SPTAN1: variants seen among roughly 807,000 people sequenced by gnomAD.
The protein encoded by SPTAN1 is spectrin alpha, non-erythrocytic 1, also known as spectrin alpha chain, non-erythrocytic 1.
In SPTAN1, 61 loss-of-function variants were observed where a neutral mutation model predicts 331.3. That is an observed-to-expected ratio of 0.18 (90% confidence interval 0.15 to 0.23). SPTAN1 has a LOEUF of 0.23. SPTAN1 is among the 10% of genes least tolerant of loss of function. SPTAN1 has a pLI of 1.00. For synonymous variants in SPTAN1, 1,153 were observed against 1,173.9 expected (o/e 0.98, Z 0.36); for missense variants, 2,043 against 3,147.9 (o/e 0.65, Z 8.40).
chr9:128,614,358 G>A (rs1394078391), intron 40 of SPTAN1, among the ~76,000 whole-genome samples: 1 of 152,094 alleles, frequency 6.6e-6, no homozygotes, highest in Non-Finnish European at 1.5e-5. Context: ...TTGGGAGGCC[G>A]AGGCGGGTGG....
intron 24 of SPTAN1, among the ~76,000 whole-genome samples, chr9:128,597,997 G>A (rs1205708027): frequency 6.6e-6 from 1 of 150,596 alleles, no homozygotes; most frequent in Non-Finnish European, 1.5e-5. Flanking sequence ...TGCACAGGCT[G>A]GAGTGCAATG....
rs60290370 is a variant in SPTAN1 at position 128,600,974 on chromosome 9, C to CTTTT, written c.3579+883_3579+886dup. On this transcript the variant is annotated intron_variant, in intron 27 of 56. Coordinates refer to ENST00000372739, the MANE Select transcript of SPTAN1 (RefSeq NM_001130438.3). The stretch of plus-strand genomic sequence containing the variant: ...CACAGCACACAGCCAGGGAGAAAGT[C>CTTTT]TTTTTTTTTTTTTTTTTTTTTTTTT... 2.0e-4 allele frequency among the ~76,000 whole-genome samples: 8 copies of CTTTT among 40,848 alleles called. 2 individuals are homozygous for CTTTT. The highest frequency in any genetic ancestry group is 5.3e-4 in the African/African-American group (6 of 11,314). 26.8% of individuals were successfully genotyped at this position (40,848 alleles called of 152,430 possible).
chr9:128,624,875 G>C (rs1165740529), intron 46 of SPTAN1: 3 of 618,342 alleles, frequency 4.9e-6, no homozygotes, highest in Non-Finnish European at 8.7e-6. Context: ...CTGGGTAGTA[G>C]TAATAGCAAC....
chr9:128,614,515 G>C (rs891992862), intron 40 of SPTAN1, among the ~76,000 whole-genome samples: 1 of 151,856 alleles, frequency 6.6e-6, no homozygotes, highest in Non-Finnish European at 1.5e-5. Context: ...GCTTGAGCCC[G>C]GGAGGCAGAG....
intron 52 of SPTAN1, chr9:128,631,607 C>G (rs1216482753): frequency 6.0e-6 from 1 of 166,544 alleles, no homozygotes; most frequent in African/African-American, 2.4e-5. Context: ...AGGCAGATCA[C>G]TTGAGCCTAG....
At chr9:128,561,075 T>C in intron 1 of SPTAN1, among the ~76,000 whole-genome samples, 1 of 111,312 alleles carries the variant, frequency 9.0e-6, no homozygotes, top group Non-Finnish European at 1.9e-5. Flanking sequence ...CAGCCATCAA[T>C]AAATAATATG....
chr9:128,621,095 C>CG, intron 44 of SPTAN1, 63 bp from the exon 45 acceptor site: 5 of 1,473,282 alleles, frequency 3.4e-6, no homozygotes, highest in Non-Finnish European at 4.8e-6. Flanking sequence ...TCTCTGTCCC[C>CG]GGGGCCTAGC....
intron 26 of SPTAN1, 35 bp downstream of exon 26, chr9:128,599,021 T>G: frequency 6.2e-7 from 1 of 1,605,698 alleles, no homozygotes; most frequent in East Asian, 2.2e-5. Flanking sequence ...ATCTTGAACA[T>G]GAGAAGGACT....
rs1852525486 is a variant in SPTAN1 at position 128,585,760 on chromosome 9, C to A, written c.2573C>A (p.Ala858Glu). 6.2e-7 allele frequency: 1 copy of A among 1,614,106 alleles called. No individual in the cohort carries two copies. The change falls in exon 19 of 57, where the codon GCA becomes GAA. Residue 858 changes from alanine (A) to glutamate (E), a missense_variant. This residue lies in a region of SPTAN1 where 1,038 missense variants were observed against 1,531.5 expected (regional missense o/e 0.68). Transcript: ENST00000372739. ...NAMVEEGHFA[A>E]EDVKAKLHEL... ...ACCCATCTTCCAGGCCATTTTGCTGCAGAGGATGTGAAGGCCAAGCTTCAC... is the reference window on the plus strand; with the variant it reads ...ACCCATCTTCCAGGCCATTTTGCTGAAGAGGATGTGAAGGCCAAGCTTCAC...
rs1860164625 is a variant in SPTAN1 at position 128,633,434 on chromosome 9, C to T, written c.*100C>T. 2 of 1,582,714 alleles carry T rather than the reference C, an allele frequency of 1.3e-6. No homozygotes were observed. The highest frequency in any genetic ancestry group is 1.7e-5 in the Admixed American group (1 of 59,900). ...CTCACTTTCCACTGTAACCTTAAGC[C>T]TGCTTAGCTTGGAATAAGACTTAGG... On this transcript the variant is annotated 3_prime_UTR_variant, in exon 57 of 57. Transcript: ENST00000372739.
chr9:128,594,826 A>G (rs901682216), intron 24 of SPTAN1, among the ~76,000 whole-genome samples: 2 of 76,850 alleles, frequency 2.6e-5, no homozygotes, highest in African/African-American at 9.7e-5. Context: ...TTTTTTTTCA[A>G]TTTTTTTTTT....
At position 128,577,093 on chromosome 9, in the gene SPTAN1, C is replaced by A. The variant is rs1376764492; in HGVS notation, c.786-36C>A. The A allele has an allele frequency of 1.9e-6, 3 of 1,614,108 alleles. No individual in the cohort carries two copies. The highest frequency in any genetic ancestry group is 1.3e-5 in the African/African-American group (1 of 75,022). The stretch of plus-strand genomic sequence containing the variant: ...GGTGTTCCTAGTTCTAGGGAGTCAT[C>A]ATTGCTGTGGATTAACTGGTGCCTT... On this transcript the variant is annotated intron_variant, in intron 6 of 56. Coordinates refer to ENST00000372739, the MANE Select transcript of SPTAN1 (RefSeq NM_001130438.3). The surrounding 1 kb of genome is among the most constrained non-coding windows in gnomAD (Gnocchi z 4.2).
intron 45 of SPTAN1, among the ~76,000 whole-genome samples, chr9:128,622,989 G>C (rs867129803): frequency 6.6e-6 from 1 of 151,982 alleles, no homozygotes; most frequent in Non-Finnish European, 1.5e-5. Context: ...CTGACCTCAT[G>C]ATCCGCCTGC....
chr9:128,580,949 G>T lies in SPTAN1; in HGVS notation c.1351G>T (p.Ala451Ser). The change falls in exon 11 of 57, where the codon GCG (alanine) becomes TCG (serine). Residue 451 changes from alanine to serine, a missense_variant. Ala to Ser is a moderately conservative substitution (Grantham distance 99, BLOSUM62 1). Coordinates refer to ENST00000372739, the MANE Select transcript of SPTAN1 (RefSeq NM_001130438.3). ...GACCGTCCTTTCCGAGGAGAGAGCG[G>T]CGCTGCTGGAGCTGTGGGAGCTGCG... Reference protein sequence around the residue: ...KLTVLSEERAALLELWELRRQ... With the variant: ...KLTVLSEERASLLELWELRRQ... 6.2e-7 allele frequency: 1 copy of T among 1,613,468 alleles called. No individual in the cohort carries two copies. The highest frequency in any genetic ancestry group is 2.2e-5 in the East Asian group (1 of 44,880).
rs1852325939 is a variant in SPTAN1 at position 128,584,483 on chromosome 9, T to C, written c.2395T>C (p.Trp799Arg). Residue 799 changes from tryptophan (W) to arginine (R), a missense_variant, in exon 17 of 57, where the codon TGG (tryptophan) becomes CGG (arginine). By Grantham distance (101) the Trp-to-Arg change is moderately radical (BLOSUM62 -3). Coordinates refer to ENST00000372739, the MANE Select transcript of SPTAN1 (RefSeq NM_001130438.3). ...LFRDVEDEET[W>R]IREKEPIAAS... ...CCGGGATGTTGAGGATGAGGAGACG[T>C]GGATTCGAGAGAAAGAGCCCATTGC... The C allele has an allele frequency of 6.2e-7, 1 of 1,613,998 alleles. No homozygotes were observed. The highest frequency in any genetic ancestry group is 8.5e-7 in the Non-Finnish European group (1 of 1,180,036).
In SPTAN1 at chr9:128,588,013, A is replaced by ATTTT. The variant is rs10627038; in HGVS notation, c.2871+328_2871+331dup. 5.8e-5 allele frequency among the ~76,000 whole-genome samples: 8 copies of ATTTT among 136,774 alleles called. 1 individual carries two copies. The highest frequency in any genetic ancestry group is 7.4e-5 in the Admixed American group (1 of 13,458). 89.7% of individuals were successfully genotyped at this position (136,774 alleles called of 152,430 possible). A position where few individuals can be genotyped will look rare whatever the true frequency, so the allele number is the denominator to read the frequency against. On this transcript the variant is annotated intron_variant, in intron 20 of 56. Coordinates refer to ENST00000372739, the MANE Select transcript of SPTAN1 (RefSeq NM_001130438.3). ...GGTGTTCACCACCATGCCCAGCTAA[A>ATTTT]TTTTTTTTTTTTTTTTGAGATGGAG...
intron 40 of SPTAN1, among the ~76,000 whole-genome samples, chr9:128,614,566 G>T (rs1193858137): frequency 4.0e-5 from 6 of 151,532 alleles, no homozygotes; most frequent in African/African-American, 1.5e-4. Flanking sequence ...TTCCAGCCTG[G>T]GCGACAGAAT....
rs144840530 is a variant in SPTAN1, at chr9:128,584,076, G to T, written c.2193+107G>T. On this transcript the variant is annotated intron_variant, in intron 16 of 56. Coordinates refer to ENST00000372739, the MANE Select transcript of SPTAN1 (RefSeq NM_001130438.3). ...ATGAATTTTGGGAGGGATGAAATGT[G>T]TTGATTTTCTTAGATCGCTCTGTGC... is the stretch of plus-strand genomic sequence containing the variant. 1.4e-4 allele frequency: 214 copies of T among 1,506,218 alleles called. 3 individuals are homozygous for T. The East Asian group carries it at 4.8e-3, about 34-fold the overall frequency. 93.3% of individuals were successfully genotyped at this position (1,506,218 alleles called of 1,614,324 possible).
intron 25 of SPTAN1, 42 bp downstream of exon 25, chr9:128,598,546 G>A (rs1290253235): frequency 5.5e-6 from 8 of 1,449,724 alleles, no homozygotes; most frequent in African/African-American, 2.8e-5. Flanking sequence ...TTGCTGTAAG[G>A]ATGCAGCTTT....
Sources: allele counts gnomAD v4.1 joint callset (sites outside exome capture counted in the v4.1 genomes callset), GRCh38; gene constraint gnomAD v4.1.1; regional missense constraint gnomAD v4.1.1; non-coding constraint Gnocchi (gnomAD v3.1); transcripts MANE v1.5; gene names NCBI Gene and HGNC (gene_info 2026-07-23, HGNC 2026-07-21).